The following ACACA variants were observed in gnomAD, a reference collection of about 807,000 sequenced individuals.
ACACA encodes acetyl-CoA carboxylase 1.
Under a neutral mutation model 296.1 loss-of-function variants are expected in ACACA, and 103 were observed. The observed-to-expected ratio is 0.35, with a 90% CI of 0.30 to 0.41. The LOEUF is 0.41. Among genes scored for constraint, ACACA ranks in the 10% least tolerant of loss-of-function variants. The pLI is 1.00. For missense variants in ACACA, 1,554 were observed against 2,989.7 expected (o/e 0.52, Z 11.20); for synonymous variants, 953 against 1,038.6 (o/e 0.92, Z 1.58).
chr17:37,381,633 T>A (rs2050265221), intron 1 of ACACA, among the ~76,000 whole-genome samples: 1 of 148,900 alleles, frequency 6.7e-6, no homozygotes, highest in East Asian at 1.9e-4. Context: ...AGTCTTTTTT[T>A]TTTTTTTTTT....
chr17:37,122,283 C>T (rs761187875), intron 49 of ACACA, among the ~76,000 whole-genome samples: 2 of 152,198 alleles, frequency 1.3e-5, no homozygotes, highest in Non-Finnish European at 2.9e-5. Context: ...ATCTCCCCAA[C>T]AAAAGTATAC....
chr17:37,346,915 CTG>C (rs1323704378), intron 1 of ACACA, among the ~76,000 whole-genome samples: 16 of 152,018 alleles, frequency 1.1e-4, no homozygotes, highest in Non-Finnish European at 2.1e-4. Flanking sequence ...AGATGAGACT[CTG>C]GACTGTGGAC....
intron 1 of ACACA, among the ~76,000 whole-genome samples, chr17:37,365,126 T>G (rs1047909368): frequency 6.6e-6 from 1 of 152,090 alleles, no homozygotes; most frequent in Non-Finnish European, 1.5e-5. Context: ...GCCCAGCCAA[T>G]TTTTGTATTT....
intron 50 of ACACA, among the ~76,000 whole-genome samples, chr17:37,120,351 T>C (rs1227052945): frequency 2.0e-5 from 3 of 152,098 alleles, no homozygotes; most frequent in African/African-American, 7.2e-5. Context: ...CTGCAATCTC[T>C]GCCTCCCAGG....
chr17:37,403,625 A>T (rs1391501497), intron 1 of ACACA, among the ~76,000 whole-genome samples: 1 of 151,974 alleles, frequency 6.6e-6, no homozygotes, highest in African/African-American at 2.4e-5. Flanking sequence ...TGATCTGCCT[A>T]CCTTGGCTTC....
rs749184420 is a variant in ACACA, at chr17:37,253,056, T to C, written c.1827-20A>G. The C allele has an allele frequency of 8.1e-6, 13 of 1,614,042 alleles. No individual in the cohort carries two copies. The highest frequency in any genetic ancestry group is 1.7e-6 in the Non-Finnish European group (2 of 1,180,032). The stretch of plus-strand genomic sequence containing the variant: ...ATGTTTCTGGGAGAACAGAAGCCAA[T>C]CTGTTTCAGCAACAAACACTTTAAT... On this transcript the variant is annotated intron_variant, in intron 14 of 55. Transcript: ENST00000616317.
intron 3 of ACACA, among the ~76,000 whole-genome samples, chr17:37,307,167 G>T (rs1567973746): frequency 6.6e-6 from 1 of 152,154 alleles, no homozygotes; most frequent in Non-Finnish European, 1.5e-5. Flanking sequence ...GGACATTTGG[G>T]TTGTTTATGA....
At chr17:37,285,883 T>C (rs2082743692) in intron 3 of ACACA, among the ~76,000 whole-genome samples, 1 of 152,084 alleles carries the variant, frequency 6.6e-6, no homozygotes, top group Non-Finnish European at 1.5e-5. Context: ...CTTATTAAAT[T>C]GGCAGTACTG....
intron 41 of ACACA, 80 bp downstream of exon 41, chr17:37,179,180 C>G: frequency 1.3e-6 from 2 of 1,553,716 alleles, no homozygotes; most frequent in East Asian, 4.5e-5. Flanking sequence ...TGCTCCAGTG[C>G]TATTTAATGA....
At chr17:37,389,247 A>G (rs2050682319) in intron 1 of ACACA, 2 of 1,581,362 alleles carry the variant, frequency 1.3e-6, no homozygotes, top group Non-Finnish European at 1.7e-6. Flanking sequence ...TCCCTTCAGT[A>G]TCAATGCCTA....
At chr17:37,239,043 G>A (rs2080259544) in intron 24 of ACACA, among the ~76,000 whole-genome samples, 1 of 151,988 alleles carries the variant, frequency 6.6e-6, no homozygotes, top group Non-Finnish European at 1.5e-5. Context: ...TGCCAAGGCT[G>A]GTCTCAAACT....
At chr17:37,330,139 G>T in intron 3 of ACACA, 34 bp downstream of exon 3, 1 of 1,613,110 alleles carries the variant, frequency 6.2e-7, no homozygotes, top group Non-Finnish European at 8.5e-7. Context: ...TAACAAGACA[G>T]ATTAAATAAG....
intron 45 of ACACA, among the ~76,000 whole-genome samples, chr17:37,141,980 C>T (rs768391766): frequency 3.3e-5 from 5 of 150,900 alleles, no homozygotes; most frequent in Non-Finnish European, 5.9e-5. Flanking sequence ...CATGAGCCAC[C>T]ATGCCTGGCC....
chr17:37,151,243 A>T, intron 44 of ACACA, 58 bp downstream of exon 44: 1 of 1,609,322 alleles, frequency 6.2e-7, no homozygotes, highest in South Asian at 1.1e-5. Context: ...TAAGAGAAAA[A>T]AATAAACCTA....
At chr17:37,265,932 T>C (rs2081746770) in intron 10 of ACACA, among the ~76,000 whole-genome samples, 1 of 152,206 alleles carries the variant, frequency 6.6e-6, no homozygotes, top group South Asian at 2.1e-4. Flanking sequence ...TCACTTTTCA[T>C]TTTGAACTGT....
At chr17:37,091,059 T>C (rs2072595114) in intron 54 of ACACA, among the ~76,000 whole-genome samples, 1 of 152,206 alleles carries the variant, frequency 6.6e-6, no homozygotes, top group Non-Finnish European at 1.5e-5. Flanking sequence ...TGCTTTCCTA[T>C]CAACATATGC....
intron 17 of ACACA, 121 bp from the exon 18 acceptor site, chr17:37,248,277 G>C (rs2146040743): frequency 8.1e-7 from 1 of 1,239,752 alleles, no homozygotes; most frequent in East Asian, 2.4e-5. Context: ...TCATGGCACT[G>C]ATGCTATTTG....
chr17:37,360,687 G>C (rs200348156), intron 1 of ACACA, among the ~76,000 whole-genome samples: 1 of 130,688 alleles, frequency 7.7e-6, no homozygotes, highest in Non-Finnish European at 1.8e-5. Context: ...AAATAAATAA[G>C]TTAATTAAAT....
chr17:37,308,377 A>G (rs1285634749), intron 3 of ACACA, among the ~76,000 whole-genome samples: 14 of 152,326 alleles, frequency 9.2e-5, no homozygotes, highest in Non-Finnish European at 1.9e-4. Flanking sequence ...TTTGAAAAGG[A>G]ACTGAATTGA....
Sources: gnomAD v4.1 joint callset for allele counts (sites outside exome capture counted in the v4.1 genomes callset) on GRCh38, gnomAD v4.1.1 for gene constraint, MANE v1.5 for transcripts, NCBI Gene and HGNC (gene_info 2026-07-23, HGNC 2026-07-21) for gene names.